NMBR: variants seen among roughly 807,000 people sequenced by gnomAD.
NMBR encodes neuromedin-B receptor.
NMBR carries 16 observed loss-of-function variants against 20.5 expected under a neutral mutation model. The observed-to-expected ratio is 0.78, with a 90% CI of 0.53 to 1.19. NMBR has a LOEUF of 1.19. Ranked by LOEUF, NMBR falls within the 50% of genes most tolerant of loss-of-function variation. The probability of loss-of-function intolerance (pLI) is 0.00; values close to 1 mark genes in which losing one functional copy is unlikely to be tolerated. For missense variants in NMBR, 582 were observed against 499.1 expected, an observed-to-expected ratio of 1.17 and a Z score of -1.58; for synonymous variants, 212 against 196.6, an observed-to-expected ratio of 1.08 and a Z score of -0.65.
At chr6:142,109,324 A>G (rs1248324540) in intron 1 of NMBR, among the ~76,000 whole-genome samples, 1 of 152,148 alleles carries the variant, frequency 6.6e-6, no homozygotes, top group Non-Finnish European at 1.5e-5. Context: ...AGCACCTGCA[A>G]AAGTCACTGG....
intron 1 of NMBR, among the ~76,000 whole-genome samples, chr6:142,139,040 G>A (rs947061635): frequency 1.3e-5 from 2 of 152,092 alleles, no homozygotes; most frequent in African/African-American, 4.8e-5. Flanking sequence ...CCTTTCACTA[G>A]TCTCAAAAAT....
intron 1 of NMBR, among the ~76,000 whole-genome samples, chr6:142,142,679 ATATT>A (rs1299289427): frequency 1.3e-5 from 2 of 151,962 alleles, no homozygotes; most frequent in African/African-American, 4.8e-5. Flanking sequence ...ATATAAATAT[ATATT>A]TATGCAATAA....
chr6:142,109,208 G>C (rs933729481), intron 1 of NMBR, among the ~76,000 whole-genome samples: 6 of 152,132 alleles, frequency 3.9e-5, no homozygotes, highest in African/African-American at 1.2e-4. Context: ...CCGGGCTCTG[G>C]AGGAGAGTGG....
intron 1 of NMBR, chr6:142,133,227 G>A (rs1213119949): frequency 1.6e-6 from 1 of 638,580 alleles, no homozygotes; most frequent in Non-Finnish European, 2.8e-6. Flanking sequence ...AAAATCAATT[G>A]TATGAGTCTT....
chr6:142,124,327 TTGCCAGAATGAGTCTAGTC>T (rs565615391), intron 1 of NMBR, among the ~76,000 whole-genome samples: 120 of 152,054 alleles, frequency 7.9e-4, no homozygotes, highest in African/African-American at 2.8e-3. Context: ...TCTCCCAAGC[TTGCCAGAATGAGTCTAGTC>T]TCCATAATAA....
intron 1 of NMBR, among the ~76,000 whole-genome samples, chr6:142,093,279 T>C (rs1191635502): frequency 2.0e-5 from 3 of 149,622 alleles, no homozygotes; most frequent in Admixed American, 6.7e-5. Context: ...ATTAGGTATA[T>C]CTCCTAATGC....
intron 1 of NMBR, among the ~76,000 whole-genome samples, chr6:142,094,393 T>A (rs964903881): frequency 2.0e-5 from 3 of 152,204 alleles, no homozygotes; most frequent in African/African-American, 7.2e-5. Flanking sequence ...CCCAGCACCA[T>A]TTATTAAATA....
At chr6:142,076,084 G>A (rs1394156605) in intron 3 of NMBR, 35 bp from the exon 4 acceptor site, 3 of 1,524,700 alleles carry the variant, frequency 2.0e-6, no homozygotes, top group Non-Finnish European at 2.6e-6. Flanking sequence ...ATTGGTTAAA[G>A]TGAAAATGGA....
At chr6:142,143,379 G>T (rs1490201216) in intron 1 of NMBR, among the ~76,000 whole-genome samples, 1 of 152,180 alleles carries the variant, frequency 6.6e-6, no homozygotes, top group Non-Finnish European at 1.5e-5. Flanking sequence ...CTGCCTCCCG[G>T]GTTCAAGCGA....
chr6:142,079,066 G>GAGAAAGAGAGAAAGAA (rs1208621200), intron 2 of NMBR, among the ~76,000 whole-genome samples, 163 bp from the exon 3 acceptor site: 2 of 133,802 alleles, frequency 1.5e-5, no homozygotes, highest in East Asian at 5.1e-4. Flanking sequence ...GAAAGAGAGA[G>GAGAAAGAGAGAAAGAA]AGAAAGAGAG....
chr6:142,080,438 G>T (rs144066925), intron 2 of NMBR, among the ~76,000 whole-genome samples: 3 of 149,856 alleles, frequency 2.0e-5, no homozygotes, highest in Non-Finnish European at 1.5e-5. Flanking sequence ...AGCCTCCCAA[G>T]TAGCTAGGAC....
At chr6:142,079,139 A>AAGAAAGAAAGAAAGAAAGAAAGAG (rs1562390282) in intron 2 of NMBR, among the ~76,000 whole-genome samples, 2 of 103,624 alleles carry the variant, frequency 1.9e-5, no homozygotes, top group African/African-American at 8.6e-5. Flanking sequence ...GAAAGAAAGA[A>AAGAAAGAAAGAAAGAAAGAAAGAG]AGAAAAAGAA....
chr6:142,079,813 C>A (rs1777056283), intron 2 of NMBR, among the ~76,000 whole-genome samples: 1 of 152,134 alleles, frequency 6.6e-6, no homozygotes, highest in Admixed American at 6.5e-5. Flanking sequence ...AAATTCTTTT[C>A]TCCTCCAACC....
At chr6:142,091,567 T>C (rs1777324055) in intron 1 of NMBR, among the ~76,000 whole-genome samples, 1 of 152,182 alleles carries the variant, frequency 6.6e-6, no homozygotes, top group Admixed American at 6.5e-5. Context: ...TATACCATAT[T>C]AGGTTTCTTA....
At chr6:142,095,286 G>T (rs1431782455) in intron 1 of NMBR, among the ~76,000 whole-genome samples, 1 of 152,050 alleles carries the variant, frequency 6.6e-6, no homozygotes, top group Non-Finnish European at 1.5e-5. Context: ...ATTGGCTGTG[G>T]GTTTGTCATA....
intron 1 of NMBR, among the ~76,000 whole-genome samples, chr6:142,094,468 T>C (rs1247507214): frequency 1.3e-5 from 2 of 152,176 alleles, no homozygotes; most frequent in Admixed American, 1.3e-4. Flanking sequence ...TATAGACATG[T>C]GGCATTATTT....
intron 3 of NMBR, 27 bp downstream of exon 3, chr6:142,078,528 C>T (rs769611498): frequency 7.5e-7 from 1 of 1,341,198 alleles, no homozygotes; most frequent in Non-Finnish European, 1.0e-6. Context: ...TGACCACACA[C>T]CACCAACCCA....
chr6:142,103,955 A>G (rs767874973), intron 1 of NMBR, among the ~76,000 whole-genome samples: 3 of 152,160 alleles, frequency 2.0e-5, no homozygotes, highest in South Asian at 4.1e-4. Context: ...TTCTTTCTAT[A>G]CTTTCACAAA....
chr6:142,077,003 G>C (rs1043262752), intron 3 of NMBR, among the ~76,000 whole-genome samples: 2 of 152,204 alleles, frequency 1.3e-5, no homozygotes, highest in African/African-American at 4.8e-5. Context: ...TAAAACTGAA[G>C]AGGAACCCAG....
Sources: allele counts gnomAD v4.1 joint callset (sites outside exome capture counted in the v4.1 genomes callset), GRCh38; gene constraint gnomAD v4.1.1; transcripts MANE v1.5; gene names NCBI Gene and HGNC (gene_info 2026-07-23, HGNC 2026-07-21).